The following TRABD2B variants were observed in gnomAD, a reference collection of about 807,000 sequenced individuals.
TRABD2B encodes the protein TraB domain containing 2B, also known as metalloprotease TIKI2.
TRABD2B carries 14 observed loss-of-function variants against 40.1 expected under a neutral mutation model. The ratio of observed to expected loss-of-function variants is 0.35; its 90% CI spans 0.23 to 0.55. The LOEUF is 0.55. Among genes scored for constraint, TRABD2B ranks in the 20% least tolerant of loss-of-function variants. The pLI is 0.90. For synonymous variants in TRABD2B, 263 were observed against 277.0 expected, an observed-to-expected ratio of 0.95 and a Z score of 0.50; for missense variants, 541 against 648.6, an observed-to-expected ratio of 0.83 and a Z score of 1.80.
intron 4 of TRABD2B, among the ~76,000 whole-genome samples, chr1:47,785,764 C>T (rs1644587104): frequency 6.6e-6 from 1 of 152,240 alleles, no homozygotes; most frequent in Non-Finnish European, 1.5e-5. Flanking sequence ...CAGGGATCTC[C>T]ATGGCCATGT....
intron 6 of TRABD2B, among the ~76,000 whole-genome samples, chr1:47,766,902 C>T (rs570456647): frequency 3.9e-5 from 6 of 152,266 alleles, no homozygotes; most frequent in South Asian, 2.1e-4. Flanking sequence ...AGAAAGCCCA[C>T]GTGACAGAGA....
chr1:47,934,015 C>T (rs1015744453), intron 2 of TRABD2B, among the ~76,000 whole-genome samples: 1 of 152,138 alleles, frequency 6.6e-6, no homozygotes, highest in African/African-American at 2.4e-5. Flanking sequence ...TTGGACAGCA[C>T]AAGTTGGAGG....
intron 2 of TRABD2B, among the ~76,000 whole-genome samples, chr1:47,904,872 C>T (rs561984143): frequency 1.7e-4 from 26 of 152,314 alleles, no homozygotes; most frequent in Non-Finnish European, 3.1e-4. Context: ...TGCTCTCTCC[C>T]GATATAGGCT....
At chr1:47,919,746 T>C (rs1302728238) in intron 2 of TRABD2B, among the ~76,000 whole-genome samples, 1 of 152,156 alleles carries the variant, frequency 6.6e-6, no homozygotes, top group Non-Finnish European at 1.5e-5. Context: ...GGGTCACTGC[T>C]CCAGTCAGCT....
intron 2 of TRABD2B, among the ~76,000 whole-genome samples, chr1:47,949,554 C>T (rs1037650938): frequency 4.0e-5 from 6 of 151,696 alleles, no homozygotes; most frequent in Admixed American, 2.0e-4. Flanking sequence ...ATTACAGGTG[C>T]GTGCCACCAT....
At position 47,939,640 on chromosome 1, in the gene TRABD2B, G is replaced by A. The variant is rs79948355; in HGVS notation, c.666+54394C>T. ...TTGTCCTAATTCACCCAGCTCATGA[G>A]AAGCTGGGCTGGGAGTCTAACTCTG... is the stretch of plus-strand genomic sequence containing the variant. On this transcript the variant is annotated intron_variant, in intron 2 of 6. Transcript: ENST00000606738. Among the ~76,000 whole-genome samples the A allele has an allele frequency of 3.8e-3, 574 of 152,306 alleles. 3 individuals carry two copies. Among genetic ancestry groups the A allele is most frequent in the African/African-American group, 0.013 (547 of 41,542 alleles).
intron 2 of TRABD2B, among the ~76,000 whole-genome samples, chr1:47,830,376 G>A (rs1367196947): frequency 6.6e-6 from 1 of 152,246 alleles, no homozygotes; most frequent in African/African-American, 2.4e-5. Context: ...ATATGCACCA[G>A]GCATTTGCTA....
At chr1:47,787,870 G>T (rs992337112) in intron 4 of TRABD2B, among the ~76,000 whole-genome samples, 1 of 152,160 alleles carries the variant, frequency 6.6e-6, no homozygotes, top group African/African-American at 2.4e-5. Flanking sequence ...GCATGAGAGA[G>T]GCTGTGATAG....
At chr1:47,854,546 T>C (rs1332392749) in intron 2 of TRABD2B, among the ~76,000 whole-genome samples, 1 of 151,668 alleles carries the variant, frequency 6.6e-6, no homozygotes, top group Non-Finnish European at 1.5e-5. Context: ...TAGTCCTCTG[T>C]GATTTGATGG....
intron 2 of TRABD2B, among the ~76,000 whole-genome samples, chr1:47,973,054 C>T (rs529094122): frequency 3.3e-4 from 51 of 152,276 alleles, no homozygotes; most frequent in African/African-American, 9.1e-4. Flanking sequence ...GACAGCATTA[C>T]GCAATAGCTG....
chr1:47,783,549 A>C (rs1644554638), intron 4 of TRABD2B, among the ~76,000 whole-genome samples: 1 of 152,190 alleles, frequency 6.6e-6, no homozygotes, highest in African/African-American at 2.4e-5. Flanking sequence ...CTAAAGGTGG[A>C]CTGGATCTTA....
At chr1:47,816,873 G>C (rs528655474) in intron 2 of TRABD2B, among the ~76,000 whole-genome samples, 1 of 152,234 alleles carries the variant, frequency 6.6e-6, no homozygotes, top group Non-Finnish European at 1.5e-5. Context: ...GAGGCACAGA[G>C]AGGTTAAGTG....
Position 47,990,769 on chromosome 1 carries a change from TTTTATATATATATA to T in TRABD2B, c.666+3251_666+3264del, listed in dbSNP as rs1392225895. Among the ~76,000 whole-genome samples the T allele has an allele frequency of 3.6e-3, 234 of 64,278 alleles. 40 individuals carry two copies. The highest frequency in any genetic ancestry group is 8.6e-3 in the Middle Eastern group (1 of 116). 42.2% of individuals were successfully genotyped at this position (64,278 alleles called of 152,430 possible). A position where few individuals can be genotyped will look rare whatever the true frequency, so the allele number is the denominator to read the frequency against. On this transcript the variant is annotated intron_variant, in intron 2 of 6. Coordinates refer to ENST00000606738, the MANE Select transcript of TRABD2B (RefSeq NM_001194986.2). ...CAAGTTGTTGGTTTTAAAACGTTGG[TTTTATATATATATA>T]TATATATATATATATATATATATAT...
At chr1:47,928,881 T>C (rs534720512) in intron 2 of TRABD2B, among the ~76,000 whole-genome samples, 71 of 152,314 alleles carry the variant, frequency 4.7e-4, no homozygotes, top group African/African-American at 1.6e-3. Flanking sequence ...CCTCTGAAAG[T>C]TCATGACTAG....
intron 2 of TRABD2B, among the ~76,000 whole-genome samples, chr1:47,925,111 A>C (rs1246692715): frequency 6.6e-6 from 1 of 152,138 alleles, no homozygotes; most frequent in African/African-American, 2.4e-5. Context: ...CACCTTCTCT[A>C]CCTCCTAAGG....
At chr1:47,795,848 A>C (rs1644741284) in intron 3 of TRABD2B, among the ~76,000 whole-genome samples, 1 of 152,122 alleles carries the variant, frequency 6.6e-6, no homozygotes. Flanking sequence ...GCTTCCCCCA[A>C]GTTGGCTTGC....
chr1:47,899,753 AATG>A (rs945867130), intron 2 of TRABD2B, among the ~76,000 whole-genome samples: 8 of 152,120 alleles, frequency 5.3e-5, no homozygotes, highest in African/African-American at 1.9e-4. Context: ...TGGAAATGAT[AATG>A]AGCCCTGGTT....
chr1:47,842,618 G>A (rs1413902125), intron 2 of TRABD2B, among the ~76,000 whole-genome samples: 1 of 152,200 alleles, frequency 6.6e-6, no homozygotes, highest in Non-Finnish European at 1.5e-5. Context: ...AGTCCCCAGT[G>A]TGGGCACTCA....
At chr1:47,962,218 TG>T (rs535841766) in intron 2 of TRABD2B, among the ~76,000 whole-genome samples, 931 of 77,700 alleles carry the variant, frequency 0.012, 41 homozygotes, top group Admixed American at 0.11. Context: ...TGTTGTGGGG[TG>T]GGGGGATGGG....
Sources: gnomAD v4.1 joint callset for allele counts (sites outside exome capture counted in the v4.1 genomes callset) on GRCh38, gnomAD v4.1.1 for gene constraint, MANE v1.5 for transcripts, NCBI Gene and HGNC (gene_info 2026-07-23, HGNC 2026-07-21) for gene names.